The following WNT8B variants were observed in gnomAD, a reference collection of about 807,000 sequenced individuals.
WNT8B encodes the protein Wnt family member 8B.
WNT8B carries 24 observed loss-of-function variants against 36.6 expected under a neutral mutation model. The observed-to-expected ratio is 0.66, with a 90% CI of 0.48 to 0.92. The LOEUF is 0.92. WNT8B is among the 40% of genes least tolerant of loss of function. WNT8B has a pLI of 0.00. For synonymous variants in WNT8B, 199 were observed against 189.8 expected (o/e 1.05, Z -0.40); for missense variants, 402 against 470.8 (o/e 0.85, Z 1.35).
At chr10:100,477,978 G>A (rs1470197529) in intron 1 of WNT8B, among the ~76,000 whole-genome samples, 1 of 146,324 alleles carries the variant, frequency 6.8e-6, no homozygotes. Flanking sequence ...ACGGGGTTTT[G>A]CCATGATGAT....
chr10:100,471,305 A>G (rs1850974697), intron 1 of WNT8B, among the ~76,000 whole-genome samples: 1 of 152,192 alleles, frequency 6.6e-6, no homozygotes, highest in Non-Finnish European at 1.5e-5. Context: ...ACCTCTGCCT[A>G]CAGTGTCCTT....
chr10:100,469,390 A>C (rs1850949280), intron 1 of WNT8B, among the ~76,000 whole-genome samples: 1 of 152,172 alleles, frequency 6.6e-6, no homozygotes, highest in Admixed American at 6.5e-5. Flanking sequence ...AGTAGGAGGA[A>C]ATCTGATTTT....
chr10:100,478,581 GTTTT>G (rs556313187), intron 1 of WNT8B, among the ~76,000 whole-genome samples: 2 of 144,834 alleles, frequency 1.4e-5, no homozygotes, highest in South Asian at 2.2e-4. Flanking sequence ...GTGTGTGTGT[GTTTT>G]TTTTTTTTTG....
intron 1 of WNT8B, among the ~76,000 whole-genome samples, chr10:100,465,467 A>G (rs1457067690): frequency 1.3e-5 from 2 of 152,198 alleles, no homozygotes; most frequent in Non-Finnish European, 2.9e-5. Flanking sequence ...GAGCAGGCCT[A>G]GAAAGTGTTT....
intron 1 of WNT8B, among the ~76,000 whole-genome samples, chr10:100,474,330 A>G (rs1299224587): frequency 7.1e-6 from 1 of 140,410 alleles, no homozygotes; most frequent in Non-Finnish European, 1.6e-5. Flanking sequence ...AACAAAATTT[A>G]TATCTTAAAT....
chr10:100,477,624 G>A (rs555441078), intron 1 of WNT8B, among the ~76,000 whole-genome samples: 28 of 152,212 alleles, frequency 1.8e-4, no homozygotes, highest in African/African-American at 6.5e-4. Context: ...ACCCTTTGAA[G>A]GACATTGGGT....
rs185592883 is a variant in WNT8B, at chr10:100,477,033, A to G, written c.69-2019A>G. Among the ~76,000 whole-genome samples, 321 of 152,340 alleles carry G rather than the reference A, an allele frequency of 2.1e-3. 1 individual carries two copies. Among genetic ancestry groups the G allele is most frequent in the African/African-American group, 7.1e-3 (297 of 41,580 alleles). On this transcript the variant is annotated intron_variant, in intron 1 of 5. Transcript: ENST00000343737. ...AAGACTTTCTCATGTTACTCTTTAC[A>G]GCCACATCCATCCCCCATCCCAAAT...
chr10:100,477,774 G>GT (rs769982407), intron 1 of WNT8B, among the ~76,000 whole-genome samples: 45 of 97,224 alleles, frequency 4.6e-4, no homozygotes, highest in Non-Finnish European at 8.8e-4. Context: ...TTCATTTTTA[G>GT]TTTTTTTTTG....
chr10:100,482,739 A>G lies in WNT8B; in HGVS notation c.979A>G (p.Arg327Gly). The G allele has an allele frequency of 1.9e-6, 3 of 1,604,936 alleles. No homozygotes were observed. The highest frequency in any genetic ancestry group is 1.1e-5 in the South Asian group (1 of 90,424). ...AGTCCGCTGCGAGCAGTGCCGCCGG[A>G]GGGTCACCAAGTACTTCTGTAGCCG... The part of the protein sequence containing the change: ...CAVRCEQCRR[R>G]VTKYFCSRAE... The change falls in exon 6 of 6, where the codon AGG becomes GGG. Residue 327 changes from arginine to glycine, a missense_variant. Arg to Gly is a moderately radical substitution (Grantham distance 125). Around this residue, in one of 3 missense-constraint regions of WNT8B, gnomAD observed 256 missense variants for 278.6 expected, o/e 0.92. Transcript: ENST00000343737. The surrounding 1 kb of genome is among the most constrained non-coding windows in gnomAD (Gnocchi z 6.6).
In WNT8B at chr10:100,479,054, C is replaced by T. The variant is rs762485763; in HGVS notation, c.71C>T (p.Ser24Leu). 26 of 1,595,336 alleles carry T rather than the reference C, an allele frequency of 1.6e-5. No homozygotes were observed. The East Asian group carries it at 2.0e-4, about 12-fold the overall frequency. The change falls in exon 2 of 6, where the codon TCG becomes TTG. Residue 24 changes from serine to leucine, a missense_variant and splice_region_variant. Ser to Leu is a moderately radical substitution (Grantham distance 145, BLOSUM62 -2). Around this residue, in one of 3 missense-constraint regions of WNT8B, gnomAD observed 131 missense variants for 152.6 expected, o/e 0.86. Transcript: ENST00000343737. Reference sequence around the variant, plus strand: ...TTTGTTTTTTTTTTCCCTTATAGGTCGGTGAACAATTTCCTGATGACTGGT... The same window carrying T: ...TTTGTTTTTTTTTTCCCTTATAGGTTGGTGAACAATTTCCTGATGACTGGT... ...TCVLQLSHSW[S>L]VNNFLMTGPK...
intron 1 of WNT8B, among the ~76,000 whole-genome samples, chr10:100,467,979 G>T (rs1850924951): frequency 6.6e-6 from 1 of 152,212 alleles, no homozygotes; most frequent in Non-Finnish European, 1.5e-5. Context: ...TCCTGTGTCT[G>T]AGAGATTCAG....
rs372632748 is a variant in WNT8B at position 100,481,133 on chromosome 10, A to T, written c.367+10A>T. Reference sequence around the variant, plus strand: ...CGCAACGGGCAACTGGGTGAGTAGTAATGTAGGGATGGGTACCATAGGCCA... The same window carrying T: ...CGCAACGGGCAACTGGGTGAGTAGTTATGTAGGGATGGGTACCATAGGCCA... On this transcript the variant is annotated intron_variant, in intron 4 of 5. Transcript: ENST00000343737. The T allele has an allele frequency of 3.7e-6, 6 of 1,613,750 alleles. No individual in the cohort carries two copies. In the Admixed American group the frequency reaches 8.3e-5, roughly 22 times the overall value.
intron 1 of WNT8B, among the ~76,000 whole-genome samples, chr10:100,472,434 C>T (rs1850990279): frequency 6.6e-6 from 1 of 152,052 alleles, no homozygotes; most frequent in Non-Finnish European, 1.5e-5. Context: ...GAGCAAGTCC[C>T]TCTCTCTAAA....
chr10:100,470,316 G>C (rs1850962251), intron 1 of WNT8B, among the ~76,000 whole-genome samples: 2 of 152,028 alleles, frequency 1.3e-5, no homozygotes, highest in African/African-American at 4.8e-5. Context: ...GTAGAGACAG[G>C]GTCTCATTGC....
chr10:100,481,991 C>T lies in WNT8B; in HGVS notation c.447C>T (p.Ala149=), dbSNP rs138795768. ...GEAISKQFVD[A]LETGQDARAA... is the part of the protein sequence containing the mutation. The stretch of plus-strand genomic sequence containing the variant: ...CGATTTCCAAGCAGTTTGTCGATGC[C>T]CTGGAAACAGGACAGGATGCACGGG... Residue 149 remains alanine (A), a synonymous_variant, in exon 5 of 6, where the codon GCC becomes GCT. Transcript: ENST00000343737. 1.9e-6 allele frequency: 3 copies of T among 1,614,142 alleles called. No individual in the cohort carries two copies. Among genetic ancestry groups the T allele is most frequent in the Non-Finnish European group, 2.5e-6 (3 of 1,180,034 alleles).
chr10:100,480,198 C>T (rs1173300566), intron 3 of WNT8B, among the ~76,000 whole-genome samples, 186 bp downstream of exon 3: 2 of 152,088 alleles, frequency 1.3e-5, no homozygotes, highest in Admixed American at 6.6e-5. Flanking sequence ...TTTTTTCTTT[C>T]TTTCTCAACA....
chr10:100,481,224 A>G, intron 4 of WNT8B, 101 bp downstream of exon 4: 27 of 1,469,446 alleles, frequency 1.8e-5, no homozygotes, highest in Non-Finnish European at 2.5e-5. Context: ...TCTAAATATG[A>G]AGAAAATCAT....
At chr10:100,477,653 A>G (rs541128793) in intron 1 of WNT8B, among the ~76,000 whole-genome samples, 3 of 152,264 alleles carry the variant, frequency 2.0e-5, no homozygotes, top group Admixed American at 1.3e-4. Context: ...ATTTTTGACT[A>G]TTATTAATAA....
At chr10:100,472,523 G>A (rs186922896) in intron 1 of WNT8B, among the ~76,000 whole-genome samples, 129 of 152,154 alleles carry the variant, frequency 8.5e-4, no homozygotes, top group African/African-American at 2.8e-3. Context: ...GAGTTGCTAC[G>A]GAAATTTAAA....
Sources: gnomAD v4.1 joint callset for allele counts (sites outside exome capture counted in the v4.1 genomes callset) on GRCh38, gnomAD v4.1.1 for gene constraint, gnomAD v4.1.1 regional missense constraint, Gnocchi (gnomAD v3.1) non-coding constraint, MANE v1.5 for transcripts, NCBI Gene and HGNC (gene_info 2026-07-23, HGNC 2026-07-21) for gene names.